The following SPATA17 variants were observed in gnomAD, a reference collection of about 807,000 sequenced individuals.
The protein encoded by SPATA17 is spermatogenesis-associated protein 17.
Under a neutral mutation model 62.2 loss-of-function variants are expected in SPATA17, and 53 were observed. That is an observed-to-expected ratio of 0.85 (90% CI 0.68 to 1.07). The LOEUF (loss-of-function observed/expected upper bound fraction) is 1.07, where lower values mean the gene tolerates loss of function less well. SPATA17 is among the 50% of genes least tolerant of loss of function. SPATA17 has a pLI of 0.00. For synonymous variants in SPATA17, 146 were observed against 146.8 expected (o/e 0.99, Z 0.04); for missense variants, 466 against 425.5 (o/e 1.10, Z -0.84).
At chr1:217,720,660 G>C (rs1380480105) in intron 5 of SPATA17, among the ~76,000 whole-genome samples, 5 of 152,040 alleles carry the variant, frequency 3.3e-5, no homozygotes, top group Non-Finnish European at 5.9e-5. Flanking sequence ...AAAAAGAAAA[G>C]GCTAAGACTT....
intron 5 of SPATA17, among the ~76,000 whole-genome samples, chr1:217,696,328 G>A (rs1251169353): frequency 6.6e-6 from 1 of 152,172 alleles, no homozygotes; most frequent in Non-Finnish European, 1.5e-5. Context: ...CCCAGGTGAG[G>A]CAATGCCTCG....
chr1:217,762,437 CTTAA>C (rs1673192954), intron 6 of SPATA17, among the ~76,000 whole-genome samples: 1 of 152,184 alleles, frequency 6.6e-6, no homozygotes, highest in Non-Finnish European at 1.5e-5. Context: ...TTACATTCCT[CTTAA>C]TTAATCCAGT....
intron 6 of SPATA17, among the ~76,000 whole-genome samples, chr1:217,745,130 T>C (rs1672717373): frequency 6.6e-6 from 1 of 152,220 alleles, no homozygotes; most frequent in South Asian, 2.1e-4. Flanking sequence ...GACACTTGAC[T>C]TCACAGACCT....
intron 5 of SPATA17, among the ~76,000 whole-genome samples, chr1:217,697,224 G>C (rs1417033310): frequency 6.6e-6 from 1 of 152,072 alleles, no homozygotes; most frequent in East Asian, 1.9e-4. Context: ...CAGGTGATCC[G>C]ACTGCCTCGG....
chr1:217,789,716 T>C (rs1002307133), intron 8 of SPATA17, among the ~76,000 whole-genome samples: 2 of 151,916 alleles, frequency 1.3e-5, no homozygotes, highest in African/African-American at 4.9e-5. Flanking sequence ...GGCAATTGGC[T>C]AAGAAAGAGA....
chr1:217,721,004 CTAAA>C (rs1214014488), intron 5 of SPATA17, among the ~76,000 whole-genome samples: 3 of 152,092 alleles, frequency 2.0e-5, no homozygotes, highest in Non-Finnish European at 4.4e-5. Flanking sequence ...CAAAATTCAT[CTAAA>C]TAAACTAATA....
In SPATA17 at chr1:217,820,791, G is replaced by GA. The variant is rs773339635; in HGVS notation, c.1005+18944dup. Among the ~76,000 whole-genome samples, 30 of 152,114 alleles carry GA rather than the reference G, an allele frequency of 2.0e-4. 1 individual carries two copies. Among genetic ancestry groups the GA allele is most frequent in the South Asian group, 1.0e-3 (5 of 4,818 alleles). On this transcript the variant is annotated intron_variant, in intron 9 of 10. Transcript: ENST00000366933. Reference sequence around the variant, plus strand: ...GTTCATAAATAATAATTGAAACCATGAAAGCAGATTGTCTTAGTCTATTTT... The same window carrying GA: ...GTTCATAAATAATAATTGAAACCATGAAAAGCAGATTGTCTTAGTCTATTTT...
At chr1:217,756,614 T>C (rs1333280894) in intron 6 of SPATA17, among the ~76,000 whole-genome samples, 2 of 152,198 alleles carry the variant, frequency 1.3e-5, no homozygotes, top group Admixed American at 1.3e-4. Context: ...TATTCAACAT[T>C]ATTAGCCTTT....
chr1:217,652,066 C>T (rs1292773470), intron 3 of SPATA17, among the ~76,000 whole-genome samples: 1 of 152,190 alleles, frequency 6.6e-6, no homozygotes, highest in East Asian at 1.9e-4. Flanking sequence ...GACTATGTCT[C>T]ATTAGTGTTG....
intron 3 of SPATA17, among the ~76,000 whole-genome samples, chr1:217,654,853 C>T (rs1005548832): frequency 7.9e-5 from 12 of 151,864 alleles, no homozygotes; most frequent in Non-Finnish European, 1.8e-4. Context: ...GCTGGGACTA[C>T]AGGCACGTGC....
chr1:217,813,595 G>A (rs1482083509), intron 9 of SPATA17, among the ~76,000 whole-genome samples: 1 of 151,924 alleles, frequency 6.6e-6, no homozygotes, highest in Non-Finnish European at 1.5e-5. Context: ...TGTAATTGAG[G>A]GAAAATATTT....
At chr1:217,847,502 T>C (rs567831467) in intron 9 of SPATA17, among the ~76,000 whole-genome samples, 2 of 152,242 alleles carry the variant, frequency 1.3e-5, no homozygotes, top group African/African-American at 4.8e-5. Context: ...GGTTGAAATA[T>C]AGACATTAAA....
chr1:217,837,074 T>C (rs1294547374), intron 9 of SPATA17, among the ~76,000 whole-genome samples: 1 of 152,098 alleles, frequency 6.6e-6, no homozygotes, highest in Admixed American at 6.6e-5. Flanking sequence ...CCCTGTAATA[T>C]TTTTTGGATA....
intron 5 of SPATA17, among the ~76,000 whole-genome samples, chr1:217,729,605 A>G (rs1458497142): frequency 6.6e-6 from 1 of 152,184 alleles, no homozygotes; most frequent in African/African-American, 2.4e-5. Context: ...GAATCATTTT[A>G]TATATCAAGA....
chr1:217,655,437 G>T (rs769329491), intron 3 of SPATA17, among the ~76,000 whole-genome samples: 1 of 151,980 alleles, frequency 6.6e-6, no homozygotes, highest in Non-Finnish European at 1.5e-5. Context: ...GTGTCTCTCG[G>T]GTTTCTACAC....
At chr1:217,643,549 C>T (rs1670113541) in intron 1 of SPATA17, among the ~76,000 whole-genome samples, 1 of 152,116 alleles carries the variant, frequency 6.6e-6, no homozygotes, top group Non-Finnish European at 1.5e-5. Flanking sequence ...CCCACACAGG[C>T]TCTGACGCCT....
At chr1:217,787,352 A>G (rs1673895728) in intron 8 of SPATA17, among the ~76,000 whole-genome samples, 1 of 152,078 alleles carries the variant, frequency 6.6e-6, no homozygotes, top group Admixed American at 6.6e-5. Flanking sequence ...GATAAAGTTT[A>G]ATTTCTTATT....
intron 1 of SPATA17, among the ~76,000 whole-genome samples, chr1:217,636,845 C>G (rs1669953563): frequency 6.6e-6 from 1 of 152,160 alleles, no homozygotes; most frequent in South Asian, 2.1e-4. Flanking sequence ...AAATTTAAAT[C>G]AAATCTGCTT....
chr1:217,816,419 A>G (rs1674718262), intron 9 of SPATA17, among the ~76,000 whole-genome samples: 1 of 151,644 alleles, frequency 6.6e-6, no homozygotes, highest in Non-Finnish European at 1.5e-5. Flanking sequence ...TAATTCTAGC[A>G]CTTAGGTTTA....
Sources: allele counts gnomAD v4.1 joint callset (sites outside exome capture counted in the v4.1 genomes callset), GRCh38; gene constraint gnomAD v4.1.1; transcripts MANE v1.5; gene names NCBI Gene and HGNC (gene_info 2026-07-23, HGNC 2026-07-21).